The following CNTLN variants were observed in gnomAD, a reference collection of about 807,000 sequenced individuals.
The protein encoded by CNTLN is centlein, centrosomal protein.
A neutral mutation model predicts 180.0 loss-of-function variants in CNTLN; 212 were observed. The observed-to-expected ratio is 1.18, with a 90% CI of 1.05 to 1.32. The LOEUF is 1.32. CNTLN is among the 40% of genes most tolerant of loss of function. CNTLN has a pLI of 0.00. For missense variants in CNTLN, 2,095 were observed against 1,610.9 expected, an observed-to-expected ratio of 1.30 and a Z score of -5.14; for synonymous variants, 722 against 563.1, an observed-to-expected ratio of 1.28 and a Z score of -3.99.
At chr9:17,177,763 T>A (rs1820818172) in intron 2 of CNTLN, among the ~76,000 whole-genome samples, 1 of 152,076 alleles carries the variant, frequency 6.6e-6, no homozygotes, top group African/African-American at 2.4e-5. Flanking sequence ...TTACAGCTCA[T>A]AAAGGCAGTG....
At chr9:17,404,269 T>C (rs1448409960) in intron 15 of CNTLN, among the ~76,000 whole-genome samples, 1 of 151,760 alleles carries the variant, frequency 6.6e-6, no homozygotes, top group Non-Finnish European at 1.5e-5. Context: ...AGTTTATTAT[T>C]TTATCTCCAA....
At chr9:17,324,649 C>A (rs892863735) in intron 8 of CNTLN, among the ~76,000 whole-genome samples, 3 of 152,072 alleles carry the variant, frequency 2.0e-5, no homozygotes, top group Non-Finnish European at 4.4e-5. Context: ...TATGTATATA[C>A]CCATAATTGT....
intron 6 of CNTLN, among the ~76,000 whole-genome samples, chr9:17,284,986 T>C (rs1413754953): frequency 6.7e-6 from 1 of 149,732 alleles, no homozygotes; most frequent in Non-Finnish European, 1.5e-5. Flanking sequence ...AAAGAACTTC[T>C]TGATTTCTGC....
At position 17,366,272 on chromosome 9, in the gene CNTLN, C is replaced by T. The variant is rs74326351; in HGVS notation, c.1887-345C>T. 3.1e-3 allele frequency among the ~76,000 whole-genome samples: 468 copies of T among 150,502 alleles called. 1 individual carries two copies. The highest frequency in any genetic ancestry group is 0.011 in the African/African-American group (451 of 40,902). On this transcript the variant is annotated intron_variant, in intron 12 of 25. Coordinates refer to ENST00000380647, the MANE Select transcript of CNTLN (RefSeq NM_017738.4). ...TCCCAAGTAGCTAGGACTACAGGTG[C>T]GCGTAACCATGATGGGCTAGTTGTT...
chr9:17,326,098 A>G (rs1820271901), intron 8 of CNTLN, among the ~76,000 whole-genome samples: 2 of 152,068 alleles, frequency 1.3e-5, no homozygotes, highest in Non-Finnish European at 2.9e-5. Context: ...GAACTTTTCA[A>G]TTAAAATTAG....
chr9:17,230,073 G>A (rs1277857422), intron 3 of CNTLN, among the ~76,000 whole-genome samples: 2 of 152,184 alleles, frequency 1.3e-5, no homozygotes, highest in Non-Finnish European at 2.9e-5. Context: ...CTGCTCCGCA[G>A]TGTGGGCTGG....
chr9:17,441,969 C>A (rs1830136266), intron 18 of CNTLN, among the ~76,000 whole-genome samples: 1 of 152,124 alleles, frequency 6.6e-6, no homozygotes, highest in Non-Finnish European at 1.5e-5. Context: ...AGGGCCTATT[C>A]ACCAAGAAGA....
At chr9:17,429,205 C>T (rs1399723526) in intron 18 of CNTLN, among the ~76,000 whole-genome samples, 2 of 152,030 alleles carry the variant, frequency 1.3e-5, no homozygotes, top group African/African-American at 4.8e-5. Flanking sequence ...ATAGTAGCAA[C>T]ACCCTATTTA....
At chr9:17,265,625 C>T (rs922344823) in intron 5 of CNTLN, among the ~76,000 whole-genome samples, 1 of 152,098 alleles carries the variant, frequency 6.6e-6, no homozygotes, top group South Asian at 2.1e-4. Flanking sequence ...ACCAGCTCCT[C>T]TTTGTACCTC....
chr9:17,260,337 G>C (rs1450980839), intron 5 of CNTLN, among the ~76,000 whole-genome samples: 6 of 151,164 alleles, frequency 4.0e-5, no homozygotes, highest in Admixed American at 3.9e-4. Flanking sequence ...TGTGGTCTGA[G>C]AGATAGTTTT....
intron 1 of CNTLN, among the ~76,000 whole-genome samples, chr9:17,139,074 A>G (rs1001655652): frequency 5.9e-5 from 9 of 152,154 alleles, no homozygotes; most frequent in African/African-American, 2.2e-4. Context: ...GTGAGAAAAA[A>G]GAATTATTAT....
At chr9:17,261,711 T>C (rs1826993022) in intron 5 of CNTLN, among the ~76,000 whole-genome samples, 1 of 151,000 alleles carries the variant, frequency 6.6e-6, no homozygotes, top group African/African-American at 2.5e-5. Context: ...CTATGTTGAA[T>C]AGGAGTGGTA....
chr9:17,390,869 A>G (rs983857239), intron 14 of CNTLN, among the ~76,000 whole-genome samples: 3 of 152,144 alleles, frequency 2.0e-5, no homozygotes, highest in Admixed American at 6.5e-5. Context: ...TTAAACATAC[A>G]TTCATATTAG....
intron 2 of CNTLN, among the ~76,000 whole-genome samples, chr9:17,194,563 C>CT (rs771978576): frequency 3.9e-5 from 6 of 152,186 alleles, no homozygotes; most frequent in Non-Finnish European, 7.4e-5. Context: ...TCAGCCTAGA[C>CT]TTTATTATCC....
intron 8 of CNTLN, among the ~76,000 whole-genome samples, chr9:17,324,582 ACTTAG>A (rs551168956): frequency 7.6e-4 from 116 of 152,264 alleles, no homozygotes; most frequent in African/African-American, 2.6e-3. Flanking sequence ...TAGAATAAAT[ACTTAG>A]CTTGTGGTTG....
chr9:17,394,622 A>T lies in CNTLN; in HGVS notation c.2168A>T (p.Asp723Val). ...AATAAAAAATTAATGAAAGAAAATG[A>T]TTTTCTGAAATCCCTCTTAAAACAG... ...EGNKKLMKEN[D>V]FLKSLLKQQQ... Residue 723 changes from aspartate (D) to valine (V), a missense_variant, in exon 15 of 26, where the codon GAT becomes GTT. Asp to Val is a radical substitution (Grantham distance 152). Transcript: ENST00000380647. The T allele has an allele frequency of 2.5e-6, 4 of 1,602,754 alleles. No individual in the cohort carries two copies. Among genetic ancestry groups the T allele is most frequent in the Non-Finnish European group, 3.4e-6 (4 of 1,177,146 alleles).
intron 1 of CNTLN, among the ~76,000 whole-genome samples, chr9:17,139,250 G>C (rs541113633): frequency 6.6e-6 from 1 of 151,928 alleles, no homozygotes; most frequent in South Asian, 2.1e-4. Flanking sequence ...ACCACGCCTG[G>C]CTGATTTTTG....
intron 5 of CNTLN, among the ~76,000 whole-genome samples, chr9:17,264,762 T>A (rs942328215): frequency 3.3e-5 from 5 of 152,128 alleles, no homozygotes; most frequent in African/African-American, 1.2e-4. Flanking sequence ...TCACATCCCT[T>A]GTAATTTGGA....
intron 16 of CNTLN, among the ~76,000 whole-genome samples, chr9:17,411,403 C>T (rs1448017392): frequency 6.6e-6 from 1 of 152,178 alleles, no homozygotes; most frequent in Non-Finnish European, 1.5e-5. Context: ...CTAATGGGAA[C>T]CTAGACTTTC....
Sources: allele counts gnomAD v4.1 joint callset (sites outside exome capture counted in the v4.1 genomes callset), GRCh38; gene constraint gnomAD v4.1.1; transcripts MANE v1.5; gene names NCBI Gene and HGNC (gene_info 2026-07-23, HGNC 2026-07-21).